The following DPP6 variants were observed in gnomAD, a reference collection of about 807,000 sequenced individuals.
The protein encoded by DPP6 is A-type potassium channel modulatory protein DPP6.
Under a neutral mutation model 122.6 loss-of-function variants are expected in DPP6, and 69 were observed. That is an observed-to-expected ratio of 0.56 (90% CI 0.46 to 0.69). The LOEUF (loss-of-function observed/expected upper bound fraction) is 0.69, where lower values mean the gene tolerates loss of function less well. Ranked by LOEUF, DPP6 falls within the 30% of genes least tolerant of loss-of-function variation. DPP6 has a pLI of 0.00. For synonymous variants in DPP6, 418 were observed against 433.1 expected (o/e 0.97, Z 0.43); for missense variants, 928 against 1,116.9 (o/e 0.83, Z 2.41).
At chr7:154,391,422 C>G (rs1391772507) in intron 1 of DPP6, among the ~76,000 whole-genome samples, 1 of 152,190 alleles carries the variant, frequency 6.6e-6, no homozygotes. Context: ...CTCTCCTAAT[C>G]CCCTACTTGG....
At chr7:154,199,272 C>T (rs1799041115) in intron 1 of DPP6, among the ~76,000 whole-genome samples, 1 of 152,164 alleles carries the variant, frequency 6.6e-6, no homozygotes, top group Non-Finnish European at 1.5e-5. Context: ...CCTAAGCGTC[C>T]CTGCTCCTCA....
intron 3 of DPP6, among the ~76,000 whole-genome samples, chr7:154,535,097 T>A (rs529769799): frequency 6.0e-5 from 9 of 149,352 alleles, no homozygotes; most frequent in Middle Eastern, 6.9e-3. Context: ...CAAAAAAAAA[T>A]GCTGAAGTAA....
chr7:154,168,153 G>T (rs1304172806), intron 1 of DPP6, among the ~76,000 whole-genome samples: 1 of 152,188 alleles, frequency 6.6e-6, no homozygotes, highest in Non-Finnish European at 1.5e-5. Context: ...CTCTCCAGAG[G>T]TTGTGGAGTC....
At chr7:153,815,271 C>CA in the DPP6 span, among the ~76,000 whole-genome samples, 1 of 152,126 alleles carries the variant, frequency 6.6e-6, no homozygotes, top group Non-Finnish European at 1.5e-5. Flanking sequence ...TCTCAGGATA[C>CA]AAAATCAATG....
intron 25 of DPP6, chr7:154,890,931 A>G (rs1806549229): frequency 6.6e-6 from 1 of 152,236 alleles, no homozygotes; most frequent in Non-Finnish European, 1.5e-5. Context: ...GTGTCATAGA[A>G]AGATGTAGGT....
At chr7:153,759,501 G>T in the DPP6 span, among the ~76,000 whole-genome samples, 1 of 151,784 alleles carries the variant, frequency 6.6e-6, no homozygotes, top group Non-Finnish European at 1.5e-5. Flanking sequence ...TTGTGTGTGT[G>T]TGTGTATTTT....
At chr7:154,587,149 G>A (rs563555114) in intron 5 of DPP6, 9 of 155,594 alleles carry the variant, frequency 5.8e-5, no homozygotes, top group South Asian at 2.0e-4. Context: ...TCAAAGCTTC[G>A]CTATTAATCC....
chr7:154,054,395 T>C (rs1351543960), intron 1 of DPP6, among the ~76,000 whole-genome samples: 1 of 151,912 alleles, frequency 6.6e-6, no homozygotes, highest in Non-Finnish European at 1.5e-5. Context: ...GGTTTTGCTG[T>C]TGTTATTGGT....
intron 5 of DPP6, among the ~76,000 whole-genome samples, chr7:154,602,864 C>T (rs1049537593): frequency 5.1e-5 from 6 of 118,258 alleles, no homozygotes; most frequent in South Asian, 3.5e-4. Context: ...TTTATAGAAA[C>T]GAATTTCCTC....
At chr7:154,782,690 C>T (rs1797100830) in intron 10 of DPP6, among the ~76,000 whole-genome samples, 1 of 152,144 alleles carries the variant, frequency 6.6e-6, no homozygotes, top group Admixed American at 6.5e-5. Flanking sequence ...CACCTAGGGC[C>T]TTGTTAAGCC....
chr7:154,182,559 G>A (rs936297650), intron 1 of DPP6, among the ~76,000 whole-genome samples: 2 of 152,126 alleles, frequency 1.3e-5, no homozygotes, highest in Non-Finnish European at 2.9e-5. Flanking sequence ...ACATGTGCCC[G>A]GGGGAGGTGG....
At chr7:153,970,901 G>T (rs1241781120) in intron 1 of DPP6, among the ~76,000 whole-genome samples, 1 of 152,074 alleles carries the variant, frequency 6.6e-6, no homozygotes, top group East Asian at 1.9e-4. Context: ...CTTTTAAAAA[G>T]ACTTAAAATC....
At chr7:154,172,513 G>T (rs926921970) in intron 1 of DPP6, among the ~76,000 whole-genome samples, 2 of 152,114 alleles carry the variant, frequency 1.3e-5, no homozygotes, top group Admixed American at 6.5e-5. Flanking sequence ...TGGTCTGCTT[G>T]CCCTGGATAA....
intron 1 of DPP6, among the ~76,000 whole-genome samples, chr7:154,333,220 G>T (rs1422769563): frequency 6.6e-6 from 1 of 151,790 alleles, no homozygotes; most frequent in Non-Finnish European, 1.5e-5. Flanking sequence ...TGACATGTTT[G>T]ACTATGTGAG....
At position 154,574,359 on chromosome 7, in the gene DPP6, G is replaced by C. The variant is rs1040071837; in HGVS notation, c.627+7443G>C. On this transcript the variant is annotated intron_variant, in intron 5 of 25. Coordinates refer to ENST00000377770, the MANE Select transcript of DPP6 (RefSeq NM_130797.4). ...TTGTGTGTGGTATGTGTATATGTGT[G>C]TGTTGTGTATGTGTGTGTATGTGGT... Among the ~76,000 whole-genome samples, 963 of 149,346 alleles carry C rather than the reference G, an allele frequency of 6.4e-3. 11 individuals carry two copies. Among genetic ancestry groups the C allele is most frequent in the African/African-American group, 0.021 (841 of 40,446 alleles).
intron 16 of DPP6, among the ~76,000 whole-genome samples, chr7:154,825,496 C>A (rs1247930552): frequency 6.6e-6 from 1 of 152,204 alleles, no homozygotes; most frequent in African/African-American, 2.4e-5. Context: ...CCTTGATGTT[C>A]TGGGAAGCTC....
chr7:154,326,511 C>T (rs1238533071), intron 1 of DPP6, among the ~76,000 whole-genome samples: 5 of 152,146 alleles, frequency 3.3e-5, no homozygotes, highest in African/African-American at 7.2e-5. Context: ...CTCTACCTGC[C>T]ACCAGTGGAC....
intron 1 of DPP6, among the ~76,000 whole-genome samples, chr7:154,437,088 C>T (rs1275470746): frequency 6.6e-6 from 1 of 152,098 alleles, no homozygotes; most frequent in East Asian, 1.9e-4. Flanking sequence ...TATCCCATTC[C>T]CTGGTACCTG....
intron 10 of DPP6, among the ~76,000 whole-genome samples, chr7:154,782,399 T>A (rs1797082235): frequency 6.6e-6 from 1 of 152,220 alleles, no homozygotes; most frequent in Non-Finnish European, 1.5e-5. Context: ...GATTATTGCG[T>A]CTTTTAGCAC....
Sources: gnomAD v4.1 joint callset for allele counts (sites outside exome capture counted in the v4.1 genomes callset) on GRCh38, gnomAD v4.1.1 for gene constraint, MANE v1.5 for transcripts, NCBI Gene and HGNC (gene_info 2026-07-23, HGNC 2026-07-21) for gene names.